The following NRDC variants were observed in gnomAD, a reference collection of about 807,000 sequenced individuals.
NRDC encodes the protein nardilysin.
A neutral mutation model predicts 147.1 loss-of-function variants in NRDC; 54 were observed. The ratio of observed to expected loss-of-function variants is 0.37; its 90% CI spans 0.29 to 0.46. NRDC has a LOEUF of 0.46. Ranked by LOEUF, NRDC falls within the 20% of genes least tolerant of loss-of-function variation. The pLI, the probability that NRDC is intolerant of heterozygous loss-of-function variation, is 1.00. For synonymous variants in NRDC, 440 were observed against 482.1 expected, an observed-to-expected ratio of 0.91 and a Z score of 1.14; for missense variants, 1,082 against 1,370.6, an observed-to-expected ratio of 0.79 and a Z score of 3.33.
At chr1:51,801,492 AG>A (rs1045939942) in intron 20 of NRDC, among the ~76,000 whole-genome samples, 2 of 152,032 alleles carry the variant, frequency 1.3e-5, no homozygotes, top group African/African-American at 4.8e-5. Context: ...ACTATGGGGG[AG>A]AAAAAGCCAT....
At chr1:51,799,961 T>A (rs1008057498) in intron 21 of NRDC, among the ~76,000 whole-genome samples, 39 of 152,116 alleles carry the variant, frequency 2.6e-4, no homozygotes, top group African/African-American at 8.5e-4. Flanking sequence ...AGTAAATACT[T>A]CTTCTGGTTT....
At chr1:51,814,163 G>A (rs1679851846) in intron 13 of NRDC, 74 bp from the exon 14 acceptor site, 6 of 911,554 alleles carry the variant, frequency 6.6e-6, no homozygotes, top group Admixed American at 1.9e-5. Context: ...GCGGGAGGAG[G>A]GAGAGGATCA....
At chr1:51,843,066 A>AAG (rs1681352305) in intron 1 of NRDC, among the ~76,000 whole-genome samples, 1 of 144,840 alleles carries the variant, frequency 6.9e-6, no homozygotes, top group Admixed American at 6.7e-5. Context: ...CCTGTCTCAA[A>AAG]AAAAAAAAAA....
rs769068525 is a variant in NRDC, at chr1:51,836,147, T to C, written c.696A>G (p.Ala232=). Residue 232 remains alanine (A), a synonymous_variant, in exon 3 of 31, where the codon GCA becomes GCG. Transcript: ENST00000352171. ...AATTCTTACTGTGCTCCAAAAAGTGTGCCAGCCCCGGCAGGTCATCTGGAT... is the reference window on the plus strand; with the variant it reads ...AATTCTTACTGTGCTCCAAAAAGTGCGCCAGCCCCGGCAGGTCATCTGGAT... ...FADPDDLPGL[A]HFLEHMVFMG... is the part of the protein sequence containing the mutation. 1 of 1,614,124 alleles carries C rather than the reference T, an allele frequency of 6.2e-7. No individual in the cohort carries two copies. The highest frequency in any genetic ancestry group is 1.7e-5 in the Admixed American group (1 of 60,012).
In NRDC at chr1:51,789,432, A is replaced by G. The variant is rs1194816451; in HGVS notation, c.3260T>C (p.Val1087Ala). ...GPGSKMLSVH[V>A]VGYGKYELEE... ...CAGTTCATACTTCCCATATCCAACA[A>G]CCTGAAAGAGGACAAAGACAAAAGT... is the stretch of plus-strand genomic sequence containing the variant. The change falls in exon 31 of 31, where the codon GTT (valine) becomes GCT (alanine). Residue 1087 changes from valine (V) to alanine (A), a missense_variant and splice_region_variant. Transcript: ENST00000352171. 1.2e-6 allele frequency: 2 copies of G among 1,613,942 alleles called. No homozygotes were observed. The highest frequency in any genetic ancestry group is 3.3e-5 in the Admixed American group (2 of 60,010).
chr1:51,840,190 A>C (rs1681195371), intron 2 of NRDC, 36 bp downstream of exon 2: 1 of 1,538,916 alleles, frequency 6.5e-7, no homozygotes, highest in Admixed American at 2.1e-5. Flanking sequence ...TACCCAAAGA[A>C]TTCCCAAATT....
At chr1:51,814,383 A>T in intron 13 of NRDC, 168 bp downstream of exon 13, 1 of 628,006 alleles carries the variant, frequency 1.6e-6, no homozygotes, top group Non-Finnish European at 2.8e-6. Context: ...GTAAAGCCTT[A>T]GTATACAATC....
In NRDC at chr1:51,840,544, T is replaced by G. The variant is rs1290318608; in HGVS notation, c.342-30A>C. ...GGGGAGAAAAAAAAAATCACACATTTTGATTCAGCTGTTCTTTACACCAAT... is the reference window on the plus strand; with the variant it reads ...GGGGAGAAAAAAAAAATCACACATTGTGATTCAGCTGTTCTTTACACCAAT... On this transcript the variant is annotated intron_variant, in intron 1 of 30. Transcript: ENST00000352171. 2.0e-6 allele frequency: 3 copies of G among 1,471,692 alleles called. No homozygotes were observed. In the African/African-American group the frequency reaches 4.2e-5, roughly 21 times the overall value. The allele number at this position is 1,471,692 out of a possible 1,614,324, so 91.2% of individuals were successfully genotyped here. A position where few individuals can be genotyped will look rare whatever the true frequency, so the allele number is the denominator to read the frequency against.
chr1:51,811,437 C>A (rs1013560298), intron 15 of NRDC, among the ~76,000 whole-genome samples: 7 of 152,132 alleles, frequency 4.6e-5, no homozygotes, highest in Admixed American at 6.5e-5. Context: ...TGATAAATAT[C>A]CCCTGGAAGG....
chr1:51,799,999 G>A (rs1486690133), intron 21 of NRDC, among the ~76,000 whole-genome samples: 3 of 152,166 alleles, frequency 2.0e-5, no homozygotes, highest in Admixed American at 1.3e-4. Flanking sequence ...CTATGAGACA[G>A]GGTCTATCTC....
At chr1:51,803,657 T>C (rs569929539) in intron 20 of NRDC, among the ~76,000 whole-genome samples, 157 bp downstream of exon 20, 2 of 152,202 alleles carry the variant, frequency 1.3e-5, no homozygotes, top group Non-Finnish European at 2.9e-5. Context: ...TTATGGATAG[T>C]CAGTCACAGT....
At chr1:51,843,063 C>CCAAAA (rs761341026) in intron 1 of NRDC, among the ~76,000 whole-genome samples, 2 of 68,002 alleles carry the variant, frequency 2.9e-5, no homozygotes, top group African/African-American at 1.2e-4. Context: ...AAACCTGTCT[C>CCAAAA]AAAAAAAAAA....
chr1:51,862,025 C>T (rs1014721872), intron 1 of NRDC: 2 of 152,104 alleles, frequency 1.3e-5, no homozygotes, highest in Non-Finnish European at 2.9e-5. Flanking sequence ...TTTGTCTCTC[C>T]AATTTAGATG....
intron 5 of NRDC, among the ~76,000 whole-genome samples, chr1:51,826,148 C>T (rs1178118282): frequency 6.6e-6 from 1 of 152,170 alleles, no homozygotes; most frequent in Non-Finnish European, 1.5e-5. Flanking sequence ...GGTTTATAAG[C>T]CACCCGGTCT....
At position 51,878,353 on chromosome 1, in the gene NRDC, T is replaced by G; in HGVS notation, c.263A>C (p.Glu88Ala). ...VARLGADESEEEGRRGSLSNA... is the reference protein window; with the variant it reads ...VARLGADESEAEGRRGSLSNA... The stretch of plus-strand genomic sequence containing the variant: ...ACTGAGAGACCCCCTCCGTCCCTCT[T>G]CCTCAGATTCATCCGCTCCTAGACG... Residue 88 changes from glutamate (E) to alanine (A), a missense_variant, in exon 1 of 31, where the codon GAA becomes GCA. Transcript: ENST00000352171. The G allele has an allele frequency of 6.2e-7, 1 of 1,614,146 alleles. No homozygotes were observed. Among genetic ancestry groups the G allele is most frequent in the Non-Finnish European group, 8.5e-7 (1 of 1,180,022 alleles).
intron 9 of NRDC, among the ~76,000 whole-genome samples, chr1:51,819,319 C>T (rs1053026678): frequency 4.0e-5 from 6 of 151,628 alleles, no homozygotes; most frequent in African/African-American, 1.5e-4. Flanking sequence ...AAAAGAAATC[C>T]GATACAAATG....
Position 51,827,782 on chromosome 1 carries a change from A to C in NRDC, c.940+14T>G. The C allele has an allele frequency of 6.2e-7, 1 of 1,608,064 alleles. No homozygotes were observed. The highest frequency in any genetic ancestry group is 8.5e-7 in the Non-Finnish European group (1 of 1,174,690). ...AGGAAAAAACTGTAGTTACACATAA[A>C]GTACTCCTCTTACCACTATCAACAG... On this transcript the variant is annotated intron_variant, in intron 5 of 30. Transcript: ENST00000352171.
chr1:51,803,034 A>C (rs1679281460), intron 20 of NRDC, among the ~76,000 whole-genome samples: 1 of 152,210 alleles, frequency 6.6e-6, no homozygotes, highest in African/African-American at 2.4e-5. Context: ...TTAATAACTG[A>C]CATGATACAG....
At chr1:51,824,815 G>C (rs1344542730) in intron 6 of NRDC, among the ~76,000 whole-genome samples, 2 of 152,180 alleles carry the variant, frequency 1.3e-5, no homozygotes, top group Non-Finnish European at 2.9e-5. Flanking sequence ...AAACAAATGA[G>C]ATAACTTGAC....
Sources: allele counts gnomAD v4.1 joint callset (sites outside exome capture counted in the v4.1 genomes callset), GRCh38; gene constraint gnomAD v4.1.1; transcripts MANE v1.5; gene names NCBI Gene and HGNC (gene_info 2026-07-23, HGNC 2026-07-21).